Variants in RMDN3 observed in about 807,000 individuals in gnomAD.
The protein encoded by RMDN3 is regulator of microtubule dynamics protein 3.
Under a neutral mutation model 61.8 loss-of-function variants are expected in RMDN3, and 41 were observed. That is an observed-to-expected ratio of 0.66 (90% CI 0.52 to 0.86). The LOEUF is 0.86. RMDN3 is among the 40% of genes least tolerant of loss of function. The pLI is 0.00. For synonymous variants in RMDN3, 247 were observed against 232.0 expected, an observed-to-expected ratio of 1.06 and a Z score of -0.59; for missense variants, 557 against 585.3, an observed-to-expected ratio of 0.95 and a Z score of 0.50.
At position 40,751,470 on chromosome 15, in the gene RMDN3, C is replaced by T. The variant is rs977190769; in HGVS notation, c.480G>A (p.Thr160=). Residue 160 remains threonine, a synonymous_variant, in exon 4 of 13, where the codon ACG becomes ACA. Coordinates refer to ENST00000338376, the MANE Select transcript of RMDN3 (RefSeq NM_018145.3). The part of the protein sequence containing the change: ...DSTGSSSVYF[T]ASSGATFTDA... ...CTGTGAACGTGGCTCCCGAGGAGGC[C>T]GTGAAGTAGACAGAGCTGGAGCCAG... is the stretch of plus-strand genomic sequence containing the variant. The T allele has an allele frequency of 3.1e-6, 5 of 1,614,192 alleles. No individual in the cohort carries two copies. Among genetic ancestry groups the T allele is most frequent in the East Asian group, 2.2e-5 (1 of 44,890 alleles).
In RMDN3 at chr15:40,751,935, T is replaced by C. The variant is rs1418103917; in HGVS notation, c.380+51A>G. On this transcript the variant is annotated intron_variant, in intron 3 of 12. Coordinates refer to ENST00000338376, the MANE Select transcript of RMDN3 (RefSeq NM_018145.3). ...AGCGAAGGCCAGAACACACCCCAGC[T>C]GAAAAGCTGCAGGGGAGGGATAAAG... 5 of 1,570,844 alleles carry C rather than the reference T, an allele frequency of 3.2e-6. No individual in the cohort carries two copies. The African/African-American group carries it at 4.1e-5, about 13-fold the overall frequency.
chr15:40,741,620 ATTTTTTTTTT>A (rs553262858), intron 6 of RMDN3, among the ~76,000 whole-genome samples: 1,843 of 71,732 alleles, frequency 0.026, 107 homozygotes, highest in African/African-American at 0.092. Flanking sequence ...GCAACATAGG[ATTTTTTTTTT>A]TTTTTTTTTT....
At chr15:40,751,361 T>C in intron 4 of RMDN3, 65 bp downstream of exon 4, 5 of 1,567,554 alleles carry the variant, frequency 3.2e-6, no homozygotes, top group Non-Finnish European at 4.3e-6. Flanking sequence ...AATTTTCCAT[T>C]GATAATACTT....
intron 4 of RMDN3, among the ~76,000 whole-genome samples, chr15:40,751,000 C>T (rs922690849): frequency 3.3e-5 from 5 of 152,206 alleles, no homozygotes; most frequent in African/African-American, 1.2e-4. Flanking sequence ...GGACATCCAC[C>T]TCCCACCTGT....
intron 3 of RMDN3, 24 bp from the exon 4 acceptor site, chr15:40,751,593 AG>A (rs955605045): frequency 1.2e-6 from 2 of 1,613,914 alleles, no homozygotes; most frequent in African/African-American, 2.7e-5. Context: ...CCCATCCCGA[AG>A]GGTACCATTA....
chr15:40,739,441 T>G (rs1451065584), intron 7 of RMDN3: 2 of 152,252 alleles, frequency 1.3e-5, no homozygotes, highest in Admixed American at 1.3e-4. Context: ...AGAAGAACCC[T>G]TGCAGAGACA....
intron 2 of RMDN3, among the ~76,000 whole-genome samples, chr15:40,752,908 C>T (rs750959949): frequency 1.3e-5 from 2 of 152,170 alleles, no homozygotes; most frequent in Admixed American, 6.5e-5. Flanking sequence ...TAAATCCCTT[C>T]TTAAAGGAAA....
intron 6 of RMDN3, among the ~76,000 whole-genome samples, chr15:40,743,539 T>C (rs1360481214): frequency 1.3e-5 from 2 of 152,148 alleles, no homozygotes; most frequent in Admixed American, 1.3e-4. Context: ...GTCCAAGCAT[T>C]CTCTGACCTC....
chr15:40,747,700 C>T (rs1043914324), intron 4 of RMDN3: 3 of 152,046 alleles, frequency 2.0e-5, no homozygotes, highest in East Asian at 1.9e-4. Flanking sequence ...CTGTGCACTC[C>T]GGAGGACAGG....
rs1376106733 is a variant in RMDN3 at position 40,738,516 on chromosome 15, ACTCTGGATGCGC to A, written c.1020_1031del (p.Arg340_Gln343del). ...CTGTCCTCACCTTGAAGCTAAAGCC[ACTCTGGATGCGC>A]CTCTGGATGCTCTCATGCTCAGCCA... is the stretch of plus-strand genomic sequence containing the variant. On this transcript the variant is annotated inframe_deletion, in exon 8 of 13. Transcript: ENST00000338376. 6 of 1,614,000 alleles carry A rather than the reference ACTCTGGATGCGC, an allele frequency of 3.7e-6. No individual in the cohort carries two copies. Among genetic ancestry groups the A allele is most frequent in the African/African-American group, 2.7e-5 (2 of 74,896 alleles).
chr15:40,746,890 A>AC (rs1289371806), intron 4 of RMDN3, among the ~76,000 whole-genome samples: 58 of 151,846 alleles, frequency 3.8e-4, no homozygotes, highest in Admixed American at 3.3e-4. Context: ...AAAAAAAAAA[A>AC]ACACCTTTAG....
chr15:40,752,924 T>G lies in RMDN3; in HGVS notation c.188-746A>C, dbSNP rs990903308. ...AAATCCCTTCTTAAAGGAAATCTGG[T>G]AAAAAACTAGGCCAGGCCACAACAT... On this transcript the variant is annotated intron_variant, in intron 2 of 12. Coordinates refer to ENST00000338376, the MANE Select transcript of RMDN3 (RefSeq NM_018145.3). Among the ~76,000 whole-genome samples, 13 of 152,024 alleles carry G rather than the reference T, an allele frequency of 8.6e-5. 1 individual carries two copies. The highest frequency in any genetic ancestry group is 6.2e-4 in the South Asian group (3 of 4,824).
At chr15:40,750,900 A>T (rs1897792022) in intron 4 of RMDN3, among the ~76,000 whole-genome samples, 1 of 152,194 alleles carries the variant, frequency 6.6e-6, no homozygotes, top group Non-Finnish European at 1.5e-5. Flanking sequence ...GCATGACCAG[A>T]CTTGGAGGAG....
At chr15:40,744,231 G>T (rs1214643033) in intron 5 of RMDN3, 82 bp from the exon 6 acceptor site, 4 of 1,312,272 alleles carry the variant, frequency 3.0e-6, no homozygotes, top group Non-Finnish European at 4.4e-6. Flanking sequence ...CCACACCCTA[G>T]GTTTGAATTT....
chr15:40,753,373 A>C (rs1355166199), intron 2 of RMDN3, among the ~76,000 whole-genome samples: 1 of 152,040 alleles, frequency 6.6e-6, no homozygotes, highest in African/African-American at 2.4e-5. Context: ...TTAGCTGGGC[A>C]TGGTGGCACG....
At chr15:40,754,570 C>A in intron 2 of RMDN3, 27 bp downstream of exon 2, 1 of 1,596,160 alleles carries the variant, frequency 6.3e-7, no homozygotes, top group Non-Finnish European at 8.6e-7. Context: ...TCTGCAGTGA[C>A]CGCGGTCTCA....
At chr15:40,752,285 C>T (rs1897863381) in intron 2 of RMDN3, 107 bp from the exon 3 acceptor site, 3 of 1,114,406 alleles carry the variant, frequency 2.7e-6, no homozygotes, top group Admixed American at 4.9e-5. Flanking sequence ...AGAGAAGGCC[C>T]AGTGACGCTC....
At chr15:40,747,311 C>T (rs1002955892) in intron 4 of RMDN3, among the ~76,000 whole-genome samples, 2 of 152,178 alleles carry the variant, frequency 1.3e-5, no homozygotes, top group South Asian at 4.1e-4. Flanking sequence ...CCTAAAGGCC[C>T]AGCTCACAAA....
intron 12 of RMDN3, 80 bp from the exon 13 acceptor site, chr15:40,736,674 C>G: frequency 8.2e-7 from 1 of 1,216,542 alleles, no homozygotes; most frequent in Non-Finnish European, 1.2e-6. Flanking sequence ...AGAAGAGGGG[C>G]CCTTTGCTTC....
Sources: gnomAD v4.1 joint callset for allele counts (sites outside exome capture counted in the v4.1 genomes callset) on GRCh38, gnomAD v4.1.1 for gene constraint, MANE v1.5 for transcripts, NCBI Gene and HGNC (gene_info 2026-07-23, HGNC 2026-07-21) for gene names.